The following RBM12 variants were observed in gnomAD, a reference collection of about 807,000 sequenced individuals.
RBM12 encodes RNA binding motif protein 12, also known as RNA-binding protein 12.
A neutral mutation model predicts 37.2 loss-of-function variants in RBM12; 24 were observed. That is an observed-to-expected ratio of 0.65 (90% confidence interval 0.47 to 0.91). The LOEUF (loss-of-function observed/expected upper bound fraction) is 0.91, where lower values mean the gene tolerates loss of function less well. Ranked by LOEUF, RBM12 falls within the 40% of genes least tolerant of loss-of-function variation. The probability of loss-of-function intolerance (pLI) is 0.00; values close to 1 mark genes in which losing one functional copy is unlikely to be tolerated. For missense variants in RBM12, 1,061 were observed against 1,183.2 expected, an observed-to-expected ratio of 0.90 and a Z score of 1.52; for synonymous variants, 420 against 425.2, an observed-to-expected ratio of 0.99 and a Z score of 0.15.
intron 1 of RBM12, among the ~76,000 whole-genome samples, chr20:35,661,822 A>G (rs1487370296): frequency 6.6e-6 from 1 of 152,226 alleles, no homozygotes; most frequent in Non-Finnish European, 1.5e-5. Context: ...CCAAAAGTGA[A>G]CTTTAACTTT....
rs1054717189 is a variant in RBM12 at position 35,650,336 on chromosome 20, G to A, written c.*2188C>T. 2 of 152,212 alleles carry A rather than the reference G, an allele frequency of 1.3e-5. No homozygotes were observed. Among genetic ancestry groups the A allele is most frequent in the African/African-American group, 2.4e-5 (1 of 41,428 alleles). 9.4% of individuals were successfully genotyped at this position (152,212 alleles called of 1,614,324 possible). Reference sequence around the variant, plus strand: ...ACAAAGTAGTTGCAATAAAGTGTATGAAATATTTAATAAGAATGTACGAAC... The same window carrying A: ...ACAAAGTAGTTGCAATAAAGTGTATAAAATATTTAATAAGAATGTACGAAC... On this transcript the variant is annotated 3_prime_UTR_variant, in exon 3 of 3. Coordinates refer to ENST00000374114, the MANE Select transcript of RBM12 (RefSeq NM_006047.6).
rs766897862 is a variant in RBM12, at chr20:35,653,506, C to T, written c.1817G>A (p.Arg606His). The change falls in exon 3 of 3, where the codon CGT (arginine) becomes CAT (histidine). Residue 606 changes from arginine (R) to histidine (H), a missense_variant. Physicochemically the swap from Arg to His is conservative, Grantham distance 29. Around this residue, in one of 3 missense-constraint regions of RBM12, gnomAD observed 517 missense variants for 534.0 expected, o/e 0.97. Coordinates refer to ENST00000374114, the MANE Select transcript of RBM12 (RefSeq NM_006047.6). ...DDARKSERLH[R>H]KKLNGREAFV... is the part of the protein sequence containing the mutation. ...AGCTTCTCTCCCATTAAGTTTTTTACGGTGTAAGCGTTCAGACTTACGTGC... is the reference window on the plus strand; with the variant it reads ...AGCTTCTCTCCCATTAAGTTTTTTATGGTGTAAGCGTTCAGACTTACGTGC... 4.9e-5 allele frequency: 79 copies of T among 1,614,066 alleles called. No individual in the cohort carries two copies. The highest frequency in any genetic ancestry group is 3.3e-5 in the Non-Finnish European group (39 of 1,180,044).
chr20:35,659,135 TATC>T, intron 1 of RBM12, 121 bp from the exon 2 acceptor site: 2 of 316,062 alleles, frequency 6.3e-6, no homozygotes, highest in Non-Finnish European at 1.1e-5. Flanking sequence ...TTAGAATGCA[TATC>T]AAAAAAAAAA....
intron 1 of RBM12, among the ~76,000 whole-genome samples, chr20:35,663,652 C>A (rs967509229): frequency 6.6e-6 from 1 of 152,166 alleles, no homozygotes; most frequent in East Asian, 1.9e-4. Context: ...CATGACACCA[C>A]GCAGATGAGT....
intron 2 of RBM12, 67 bp downstream of exon 2, chr20:35,658,863 A>AT (rs2034068910): frequency 1.4e-6 from 1 of 701,632 alleles, no homozygotes; most frequent in Non-Finnish European, 2.6e-6. Context: ...ATATATTTTC[A>AT]TATTTCTTAA....
At chr20:35,660,242 G>A (rs975015683) in intron 1 of RBM12, among the ~76,000 whole-genome samples, 6 of 151,336 alleles carry the variant, frequency 4.0e-5, no homozygotes, top group African/African-American at 1.2e-4. Context: ...TCGCTCTGTC[G>A]CCCAGGCTAG....
intron 1 of RBM12, among the ~76,000 whole-genome samples, chr20:35,663,701 G>T (rs143226114): frequency 1.5e-4 from 23 of 152,142 alleles, no homozygotes; most frequent in Non-Finnish European, 2.5e-4. Flanking sequence ...CCTCACAAGA[G>T]CCCCTCAGAT....
intron 2 of RBM12, 33 bp from the exon 3 acceptor site, chr20:35,655,377 A>G (rs1221381942): frequency 8.6e-6 from 13 of 1,515,592 alleles, no homozygotes; most frequent in Non-Finnish European, 1.2e-5. Context: ...GCCAGGTCAG[A>G]CTCCTGTTTA....
intron 1 of RBM12, among the ~76,000 whole-genome samples, chr20:35,660,475 T>G (rs1290641573): frequency 6.6e-6 from 1 of 152,156 alleles, no homozygotes; most frequent in East Asian, 1.9e-4. Flanking sequence ...CGCCTCAGCC[T>G]CCCAAAGTGC....
rs2033685669 is a variant in RBM12 at position 35,653,472 on chromosome 20, A to G, written c.1851T>C (p.His617=). 6.2e-7 allele frequency: 1 copy of G among 1,614,134 alleles called. No individual in the cohort carries two copies. The highest frequency in any genetic ancestry group is 8.5e-7 in the Non-Finnish European group (1 of 1,180,056). Residue 617 remains histidine (H), a synonymous_variant, in exon 3 of 3, where the codon CAT becomes CAC. Coordinates refer to ENST00000374114, the MANE Select transcript of RBM12 (RefSeq NM_006047.6). Reference sequence around the variant, plus strand: ...CTCTCATATCTTCTAGGGTAACTACATGAACAAAAGCTTCTCTCCCATTAA... The same window carrying G: ...CTCTCATATCTTCTAGGGTAACTACGTGAACAAAAGCTTCTCTCCCATTAA... The part of the protein sequence containing the change: ...KKLNGREAFV[H]VVTLEDMREI...
rs1044790513 is a variant in RBM12 at position 35,654,211 on chromosome 20, T to G, written c.1112A>C (p.Tyr371Ser). The change falls in exon 3 of 3, where the codon TAT (tyrosine) becomes TCT (serine). Residue 371 changes from tyrosine (Y) to serine (S), a missense_variant. Tyr to Ser is a moderately radical substitution (Grantham distance 144). Transcript: ENST00000374114. ...TTCTGTGGCAGGGCTAACTTCCACA[T>G]AGCGTTGAATCATCAGCATTCTGTT... The part of the protein sequence containing the change: ...KRNRMLMIQR[Y>S]VEVSPATERQ... The G allele has an allele frequency of 1.9e-6, 3 of 1,614,256 alleles. No homozygotes were observed. Among genetic ancestry groups the G allele is most frequent in the Non-Finnish European group, 2.5e-6 (3 of 1,180,042 alleles).
chr20:35,664,498 CCT>C (rs1248557749), intron 1 of RBM12: 2 of 152,316 alleles, frequency 1.3e-5, no homozygotes, highest in Admixed American at 6.5e-5. Flanking sequence ...TGGCCTGCCC[CCT>C]CTCAGACCAC....
rs531641752 is a variant in RBM12 at position 35,649,598 on chromosome 20, T to A, written c.*2926A>T. ...TTTTTAAAAAGCCACTAATAATAATTGTACATCCAAACTACTGTGTAAACA... is the reference window on the plus strand; with the variant it reads ...TTTTTAAAAAGCCACTAATAATAATAGTACATCCAAACTACTGTGTAAACA... On this transcript the variant is annotated 3_prime_UTR_variant, in exon 3 of 3. Coordinates refer to ENST00000374114, the MANE Select transcript of RBM12 (RefSeq NM_006047.6). 7 of 152,752 alleles carry A rather than the reference T, an allele frequency of 4.6e-5. No homozygotes were observed. Among genetic ancestry groups the A allele is most frequent in the Non-Finnish European group, 1.0e-4 (7 of 68,024 alleles). The allele number at this position is 152,752 out of a possible 1,614,324, so 9.5% of individuals were successfully genotyped here.
rs769418175 is a variant in RBM12 at position 35,654,437 on chromosome 20, GC to G, written c.885del (p.Lys295AsnfsTer41). ...PIQMNSQSSVKPLPINPDDLY... is the reference protein window; with the variant it reads ...PIQMNSQSSVXPLPINPDDLY... ...AGATCATCAGGGTTGATGGGGAGTG[GC>G]TTCACACTGCTCTGAGAGTTCATCT... On this transcript the variant is annotated frameshift_variant, in exon 3 of 3. Transcript: ENST00000374114. LOFTEE classifies it high-confidence loss of function. 1 of 1,614,172 alleles carries G rather than the reference GC, an allele frequency of 6.2e-7. No individual in the cohort carries two copies. Among genetic ancestry groups the G allele is most frequent in the Non-Finnish European group, 8.5e-7 (1 of 1,180,016 alleles).
At chr20:35,659,457 C>G (rs1235054786) in intron 1 of RBM12, among the ~76,000 whole-genome samples, 3 of 152,190 alleles carry the variant, frequency 2.0e-5, no homozygotes, top group African/African-American at 7.2e-5. Flanking sequence ...GATAGCAATT[C>G]AAGGGTACTC....
At position 35,654,585 on chromosome 20, in the gene RBM12, G is replaced by A. The variant is rs754518733; in HGVS notation, c.738C>T (p.Pro246=). The A allele has an allele frequency of 1.9e-6, 3 of 1,614,102 alleles. No homozygotes were observed. The African/African-American group carries it at 4.0e-5, about 22-fold the overall frequency. ...TPLPPMSGMP[P]LNPPPVAPLP... is the part of the protein sequence containing the mutation. ...GAGGTGCCACAGGTGGCGGATTCAA[G>A]GGCGGCATGCCCGACATGGGTGGCA... The change falls in exon 3 of 3, where the codon CCC becomes CCT. Residue 246 remains proline, a synonymous_variant. Coordinates refer to ENST00000374114, the MANE Select transcript of RBM12 (RefSeq NM_006047.6).
At chr20:35,659,252 T>C (rs1446694137) in intron 1 of RBM12, among the ~76,000 whole-genome samples, 1 of 152,058 alleles carries the variant, frequency 6.6e-6, no homozygotes, top group East Asian at 1.9e-4. Context: ...AAGAGTGTCA[T>C]TAACTTAGCC....
Position 35,652,472 on chromosome 20 carries a change from G to T in RBM12, c.*52C>A. The stretch of plus-strand genomic sequence containing the variant: ...GAAATACTAGGAAAACAATCTGGAT[G>T]CATTAATCACAGCAATATGAAGATC... On this transcript the variant is annotated 3_prime_UTR_variant, in exon 3 of 3. Coordinates refer to ENST00000374114, the MANE Select transcript of RBM12 (RefSeq NM_006047.6). 2 of 1,531,156 alleles carry T rather than the reference G, an allele frequency of 1.3e-6. No homozygotes were observed. The highest frequency in any genetic ancestry group is 2.5e-5 in the South Asian group (2 of 79,908). 94.8% of individuals were successfully genotyped at this position (1,531,156 alleles called of 1,614,324 possible).
Position 35,652,635 on chromosome 20 carries a change from G to C in RBM12, c.2688C>G (p.Pro896=). Residue 896 remains proline (P), a synonymous_variant, in exon 3 of 3, where the codon CCC becomes CCG. Transcript: ENST00000374114. ...CAAAGGCCACCATGGCTTCACCTGT[G>C]GGCATACCTTTTTCATTGTATTTTA... ...VCLKYNEKGM[P]TGEAMVAFES... is the part of the protein sequence containing the mutation. The C allele has an allele frequency of 6.2e-7, 1 of 1,614,090 alleles. No homozygotes were observed. The highest frequency in any genetic ancestry group is 8.5e-7 in the Non-Finnish European group (1 of 1,179,974).
Sources: allele counts gnomAD v4.1 joint callset (sites outside exome capture counted in the v4.1 genomes callset), GRCh38; gene constraint gnomAD v4.1.1; regional missense constraint gnomAD v4.1.1; transcripts MANE v1.5; gene names NCBI Gene and HGNC (gene_info 2026-07-23, HGNC 2026-07-21).